The following SLCO1B3 variants were observed in gnomAD, a reference collection of about 807,000 sequenced individuals.
SLCO1B3 encodes the protein solute carrier organic anion transporter family member 1B3.
SLCO1B3 carries 72 observed loss-of-function variants against 71.8 expected under a neutral mutation model. The observed-to-expected ratio is 1.00, with a 90% confidence interval of 0.83 to 1.22. The LOEUF is 1.22. Among genes scored for constraint, SLCO1B3 ranks in the 50% most tolerant of loss-of-function variants. The pLI, the probability that SLCO1B3 is intolerant of heterozygous loss-of-function variation, is 0.00. For synonymous variants in SLCO1B3, 298 were observed against 278.4 expected, an observed-to-expected ratio of 1.07 and a Z score of -0.70; for missense variants, 911 against 819.7, an observed-to-expected ratio of 1.11 and a Z score of -1.36.
At chr12:20,819,087 C>CG (rs1237593054) in intron 3 of SLCO1B3, among the ~76,000 whole-genome samples, 1 of 152,102 alleles carries the variant, frequency 6.6e-6, no homozygotes, top group East Asian at 1.9e-4. Flanking sequence ...ACTAAAGCAG[C>CG]GGCAGCCGCT....
intron 11 of SLCO1B3, 104 bp downstream of exon 11, chr12:20,879,735 TTTAA>T: frequency 1.3e-6 from 1 of 767,790 alleles, no homozygotes; most frequent in Non-Finnish European, 1.9e-6. Context: ...TAAACTTTAT[TTTAA>T]TTGAGAGAAA....
At position 20,861,094 on chromosome 12, in the gene SLCO1B3, A is replaced by C; in HGVS notation, c.437A>C (p.Gln146Pro). The C allele has an allele frequency of 6.2e-7, 1 of 1,603,506 alleles. No individual in the cohort carries two copies. Among genetic ancestry groups the C allele is most frequent in the Non-Finnish European group, 8.5e-7 (1 of 1,174,290 alleles). Residue 146 changes from glutamine (Q) to proline (P), a missense_variant, in exon 6 of 16, where the codon CAA becomes CCA. Gln to Pro is a moderately conservative substitution (Grantham distance 76). Coordinates refer to ENST00000381545, the MANE Select transcript of SLCO1B3 (RefSeq NM_019844.4). ...AGTTTATCAACCTGTTTAATTAATCAAACCTTATCATTCAATGGAACATCA... is the reference window on the plus strand; with the variant it reads ...AGTTTATCAACCTGTTTAATTAATCCAACCTTATCATTCAATGGAACATCA... ...TSSLSTCLIN[Q>P]TLSFNGTSPE...
chr12:20,850,626 G>A (rs1416211086), intron 3 of SLCO1B3, among the ~76,000 whole-genome samples: 1 of 152,140 alleles, frequency 6.6e-6, no homozygotes, highest in Non-Finnish European at 1.5e-5. Context: ...CATAGTACTT[G>A]ATAGGTAGTT....
At chr12:20,901,896 A>T (rs186606743) in intron 15 of SLCO1B3, 2 of 440,028 alleles carry the variant, frequency 4.5e-6, no homozygotes, top group South Asian at 1.6e-5. Flanking sequence ...TCTTCTATTC[A>T]TAGGCAGAAG....
rs60571683 is a variant in SLCO1B3 at position 20,916,115 on chromosome 12, G to A, written c.1977G>A (p.Ser659=). The A allele has an allele frequency of 0.048, 76,816 of 1,612,444 alleles. 2,283 individuals are homozygous for A. Among genetic ancestry groups the A allele is most frequent in the Non-Finnish European group, 0.056 (65,590 of 1,178,826 alleles). Residue 659 remains serine, a synonymous_variant, in exon 16 of 16, where the codon TCG becomes TCA. Coordinates refer to ENST00000381545, the MANE Select transcript of SLCO1B3 (RefSeq NM_019844.4). ...KKFQGKDTKA[S]DNERKVMDEA... ...TTCAAGGAAAAGATACCAAGGCATCGGACAATGAAAGAAAAGTAATGGATG... is the reference window on the plus strand; with the variant it reads ...TTCAAGGAAAAGATACCAAGGCATCAGACAATGAAAGAAAAGTAATGGATG...
intron 13 of SLCO1B3, among the ~76,000 whole-genome samples, chr12:20,896,879 C>T (rs1175179072): frequency 2.0e-5 from 3 of 152,140 alleles, no homozygotes; most frequent in African/African-American, 7.2e-5. Context: ...ACCTCACAAT[C>T]ATGGTCGAAG....
rs545807470 is a variant in SLCO1B3, at chr12:20,814,770, G to A, written c.-65-904G>A. Among the ~76,000 whole-genome samples, 426 of 151,912 alleles carry A rather than the reference G, an allele frequency of 2.8e-3. 3 individuals are homozygous for A. Among genetic ancestry groups the A allele is most frequent in the Non-Finnish European group, 4.0e-3 (271 of 67,968 alleles). ...GCCGGGCGTTGTGGCACGCACCTGCGCCTGTGGTCCCAGCTACTCAGGAGG... is the reference window on the plus strand; with the variant it reads ...GCCGGGCGTTGTGGCACGCACCTGCACCTGTGGTCCCAGCTACTCAGGAGG... On this transcript the variant is annotated intron_variant, in intron 2 of 15. Coordinates refer to ENST00000381545, the MANE Select transcript of SLCO1B3 (RefSeq NM_019844.4).
At chr12:20,813,924 A>C (rs767839718) in intron 2 of SLCO1B3, among the ~76,000 whole-genome samples, 5 of 152,180 alleles carry the variant, frequency 3.3e-5, no homozygotes, top group Non-Finnish European at 7.3e-5. Context: ...CATATAACCT[A>C]TATCATACAT....
chr12:20,834,532 T>A (rs1481612154), intron 3 of SLCO1B3, among the ~76,000 whole-genome samples: 1 of 148,476 alleles, frequency 6.7e-6, no homozygotes, highest in Non-Finnish European at 1.5e-5. Flanking sequence ...TATTTATATA[T>A]AATATATATG....
At chr12:20,901,243 C>T in intron 14 of SLCO1B3, 107 bp from the exon 15 acceptor site, 1 of 754,720 alleles carries the variant, frequency 1.3e-6, no homozygotes, top group Non-Finnish European at 2.2e-6. Context: ...GAATAATTTT[C>T]CAAAACTTTA....
At chr12:20,814,395 T>A (rs914862387) in intron 2 of SLCO1B3, among the ~76,000 whole-genome samples, 1 of 152,080 alleles carries the variant, frequency 6.6e-6, no homozygotes, top group Non-Finnish European at 1.5e-5. Flanking sequence ...TTTTCTAATA[T>A]GAAATAATTA....
At position 20,884,180 on chromosome 12, in the gene SLCO1B3, T is replaced by C. The variant is rs1865748501; in HGVS notation, c.1682+578T>C. On this transcript the variant is annotated intron_variant, in intron 13 of 15. Transcript: ENST00000381545. ...ATGATGTTCGATGAAGAATATTTCCTAGTAAGTAAAACCAATAAGGTACTT... is the reference window on the plus strand; with the variant it reads ...ATGATGTTCGATGAAGAATATTTCCCAGTAAGTAAAACCAATAAGGTACTT... Among the ~76,000 whole-genome samples, 3 of 152,196 alleles carry C rather than the reference T, an allele frequency of 2.0e-5. No homozygotes were observed. The South Asian group carries it at 6.2e-4, about 31-fold the overall frequency.
chr12:20,882,122 G>A (rs1349157846), intron 12 of SLCO1B3, among the ~76,000 whole-genome samples: 1 of 152,078 alleles, frequency 6.6e-6, no homozygotes, highest in Non-Finnish European at 1.5e-5. Flanking sequence ...GTGTTGTCCA[G>A]TAGTGAAGAC....
At chr12:20,812,025 AG>A (rs1864118722) in intron 1 of SLCO1B3, among the ~76,000 whole-genome samples, 1 of 149,938 alleles carries the variant, frequency 6.7e-6, no homozygotes, top group African/African-American at 2.5e-5. Flanking sequence ...CTCCTGCCTG[AG>A]CTTCCAGAGT....
intron 4 of SLCO1B3, among the ~76,000 whole-genome samples, chr12:20,858,179 CA>C (rs142322493): frequency 2.7e-5 from 4 of 150,934 alleles, no homozygotes; most frequent in Non-Finnish European, 4.4e-5. Flanking sequence ...TCCAAATTTT[CA>C]AAAAAAAACT....
At chr12:20,821,197 G>T (rs890467325) in intron 3 of SLCO1B3, among the ~76,000 whole-genome samples, 1 of 152,154 alleles carries the variant, frequency 6.6e-6, no homozygotes, top group Non-Finnish European at 1.5e-5. Flanking sequence ...AGGGACTGAT[G>T]TGTAAAAGAA....
At chr12:20,817,534 G>A (rs184147320) in intron 3 of SLCO1B3, among the ~76,000 whole-genome samples, 11 of 152,092 alleles carry the variant, frequency 7.2e-5, no homozygotes, top group Admixed American at 5.2e-4. Flanking sequence ...TGATTCATTG[G>A]TCTATGTGTC....
chr12:20,885,180 C>A (rs924601201), intron 13 of SLCO1B3, among the ~76,000 whole-genome samples: 1 of 152,082 alleles, frequency 6.6e-6, no homozygotes, highest in Admixed American at 6.6e-5. Context: ...TAATTTCTCA[C>A]CTGCCTTTGA....
chr12:20,825,330 T>A (rs1864398468), intron 3 of SLCO1B3, among the ~76,000 whole-genome samples: 1 of 152,140 alleles, frequency 6.6e-6, no homozygotes, highest in Admixed American at 6.5e-5. Context: ...TGACAGTCCC[T>A]GGGATTAGAG....
Sources: gnomAD v4.1 joint callset for allele counts (sites outside exome capture counted in the v4.1 genomes callset) on GRCh38, gnomAD v4.1.1 for gene constraint, MANE v1.5 for transcripts, NCBI Gene and HGNC (gene_info 2026-07-23, HGNC 2026-07-21) for gene names.